The following NELL1 variants were observed in gnomAD, a reference collection of about 807,000 sequenced individuals.
The protein encoded by NELL1 is neural EGFL like 1.
NELL1 carries 76 observed loss-of-function variants against 107.4 expected under a neutral mutation model. The observed-to-expected ratio is 0.71, with a 90% CI of 0.59 to 0.86. NELL1 has a LOEUF of 0.86. Among genes scored for constraint, NELL1 ranks in the 40% least tolerant of loss-of-function variants. The pLI, the probability that NELL1 is intolerant of heterozygous loss-of-function variation, is 0.00. For synonymous variants in NELL1, 353 were observed against 341.2 expected (o/e 1.03, Z -0.38); for missense variants, 1,024 against 1,005.5 (o/e 1.02, Z -0.25).
At chr11:21,066,687 T>G (rs1486886656) in intron 12 of NELL1, among the ~76,000 whole-genome samples, 2 of 152,124 alleles carry the variant, frequency 1.3e-5, no homozygotes, top group Non-Finnish European at 2.9e-5. Context: ...TGGTGGCTCA[T>G]GACTGTAATC....
intron 17 of NELL1, among the ~76,000 whole-genome samples, chr11:21,563,427 A>G (rs1856896815): frequency 6.6e-6 from 1 of 152,038 alleles, no homozygotes; most frequent in African/African-American, 2.4e-5. Context: ...GCTATGAACA[A>G]TTTGCTGTGG....
intron 5 of NELL1, among the ~76,000 whole-genome samples, chr11:20,889,512 G>A (rs750974160): frequency 3.1e-4 from 47 of 152,138 alleles, no homozygotes; most frequent in Non-Finnish European, 4.6e-4. Flanking sequence ...AGTGCAAGAA[G>A]AATTGGAGAG....
At position 20,929,107 on chromosome 11, in the gene NELL1, C is replaced by T. The variant is rs534295936; in HGVS notation, c.997+628C>T. Among the ~76,000 whole-genome samples the T allele has an allele frequency of 1.6e-4, 25 of 152,222 alleles. No homozygotes were observed. In the South Asian group the frequency reaches 1.9e-3, roughly 11 times the overall value. On this transcript the variant is annotated intron_variant, in intron 9 of 19. Coordinates refer to ENST00000357134, the MANE Select transcript of NELL1 (RefSeq NM_006157.5). ...GCTGAGGCTTAGGGATATTAGCTTA[C>T]GAAAATCATGAGGCTGGTGAGTGGC...
At chr11:20,953,326 C>T (rs116469096) in intron 11 of NELL1, among the ~76,000 whole-genome samples, 1 of 152,254 alleles carries the variant, frequency 6.6e-6, no homozygotes, top group African/African-American at 2.4e-5. Flanking sequence ...GATTGAGGAA[C>T]TATTAGTGAC....
intron 2 of NELL1, among the ~76,000 whole-genome samples, chr11:20,758,562 A>G (rs1856348962): frequency 6.6e-6 from 1 of 152,176 alleles, no homozygotes. Flanking sequence ...AAAATGTTCA[A>G]ACCAAAGCCA....
intron 2 of NELL1, among the ~76,000 whole-genome samples, chr11:20,684,773 C>T (rs1035789421): frequency 6.6e-6 from 1 of 151,866 alleles, no homozygotes; most frequent in Middle Eastern, 3.2e-3. Flanking sequence ...TTAGATGGGC[C>T]CAGAGAAGTG....
At chr11:20,983,912 C>T (rs11025852) in intron 12 of NELL1, among the ~76,000 whole-genome samples, 6,761 of 152,282 alleles carry the variant, frequency 0.044, 204 homozygotes, top group Middle Eastern at 0.2. Flanking sequence ...CTTCTGATCT[C>T]ATTTTGCACC....
At chr11:20,672,970 G>C (rs1853952208) in intron 1 of NELL1, among the ~76,000 whole-genome samples, 4 of 100,834 alleles carry the variant, frequency 4.0e-5, no homozygotes, top group Admixed American at 1.1e-4. Flanking sequence ...TCCTGCCTCA[G>C]CCCCCCCCCC....
At chr11:21,551,015 A>G (rs899361122) in intron 16 of NELL1, among the ~76,000 whole-genome samples, 10 of 150,650 alleles carry the variant, frequency 6.6e-5, no homozygotes, top group Admixed American at 4.0e-4. Flanking sequence ...CTTTTATTTC[A>G]TGGAGCAGTG....
At chr11:20,726,047 G>A (rs1855500581) in intron 2 of NELL1, among the ~76,000 whole-genome samples, 1 of 152,158 alleles carries the variant, frequency 6.6e-6, no homozygotes, top group Non-Finnish European at 1.5e-5. Context: ...GCCTCCAGCT[G>A]CATCCATGTT....
chr11:21,102,906 T>C (rs1854856786), intron 12 of NELL1, among the ~76,000 whole-genome samples: 1 of 152,214 alleles, frequency 6.6e-6, no homozygotes, highest in African/African-American at 2.4e-5. Flanking sequence ...CAGTAGTTTA[T>C]GGTTTTCATA....
At chr11:21,451,805 T>C (rs1853594609) in intron 15 of NELL1, among the ~76,000 whole-genome samples, 1 of 152,132 alleles carries the variant, frequency 6.6e-6, no homozygotes, top group Non-Finnish European at 1.5e-5. Context: ...GTTACTTAAT[T>C]ACCCAAGTTT....
chr11:21,211,671 A>G (rs1857500556), intron 13 of NELL1, among the ~76,000 whole-genome samples: 1 of 152,186 alleles, frequency 6.6e-6, no homozygotes, highest in East Asian at 1.9e-4. Context: ...CGGAATGGCA[A>G]TGGAAGTGGA....
At chr11:21,290,066 T>C (rs1849215394) in intron 14 of NELL1, among the ~76,000 whole-genome samples, 1 of 152,162 alleles carries the variant, frequency 6.6e-6, no homozygotes, top group Admixed American at 6.5e-5. Context: ...TGGGTGCAGC[T>C]TAAGCAGATT....
intron 12 of NELL1, among the ~76,000 whole-genome samples, chr11:20,996,759 T>G (rs542297260): frequency 2.0e-5 from 3 of 152,246 alleles, no homozygotes; most frequent in Admixed American, 2.0e-4. Context: ...GCAAATTGAG[T>G]AGCAAATTCT....
At chr11:20,967,231 T>C (rs536655023) in intron 12 of NELL1, among the ~76,000 whole-genome samples, 1 of 152,242 alleles carries the variant, frequency 6.6e-6, no homozygotes, top group East Asian at 1.9e-4. Context: ...GTGAATGAAC[T>C]TCTGTGGAAA....
intron 15 of NELL1, among the ~76,000 whole-genome samples, chr11:21,517,185 C>T (rs1370882378): frequency 6.6e-6 from 1 of 152,096 alleles, no homozygotes; most frequent in African/African-American, 2.4e-5. Context: ...AATCACCTCT[C>T]TCATGGGGAC....
chr11:21,531,891 A>G (rs75942970), intron 15 of NELL1, among the ~76,000 whole-genome samples: 23,004 of 152,040 alleles, frequency 0.15, 1,935 homozygotes, highest in African/African-American at 0.23. Context: ...AAAGCCTCCA[A>G]GTGTTTTCTA....
At chr11:20,755,915 C>T (rs1349308666) in intron 2 of NELL1, among the ~76,000 whole-genome samples, 2 of 120,088 alleles carry the variant, frequency 1.7e-5, no homozygotes, top group African/African-American at 3.5e-5. Flanking sequence ...TTTTATGAGA[C>T]GGAGTCTCGC....
Sources: allele counts gnomAD v4.1 joint callset (sites outside exome capture counted in the v4.1 genomes callset), GRCh38; gene constraint gnomAD v4.1.1; transcripts MANE v1.5; gene names NCBI Gene and HGNC (gene_info 2026-07-23, HGNC 2026-07-21).